SRGAP2B: variants seen among roughly 807,000 people sequenced by gnomAD.
SRGAP2B encodes the protein SLIT-ROBO Rho GTPase activating protein 2B, also known as SLIT-ROBO Rho GTPase-activating protein 2B.
In SRGAP2B, 9 loss-of-function variants were observed where a neutral mutation model predicts 22.2. That is an observed-to-expected ratio of 0.41 (90% CI 0.24 to 0.71). The LOEUF (loss-of-function observed/expected upper bound fraction) is 0.71. Ranked by LOEUF, SRGAP2B falls within the 30% of genes least tolerant of loss-of-function variation. The pLI is 0.35. For synonymous variants in SRGAP2B, 36 were observed against 87.4 expected, an observed-to-expected ratio of 0.41 and a Z score of 3.28; for missense variants, 114 against 235.8, an observed-to-expected ratio of 0.48 and a Z score of 3.38.
intron 4 of SRGAP2B, among the ~76,000 whole-genome samples, chr1:144,926,974 G>T (rs1469957574): frequency 1.3e-5 from 2 of 151,854 alleles, no homozygotes; most frequent in Non-Finnish European, 2.9e-5. Context: ...TTTGGAGACG[G>T]AGTCTCACTC....
At chr1:144,972,334 TC>T (rs1353436076) in intron 3 of SRGAP2B, among the ~76,000 whole-genome samples, 1 of 130,894 alleles carries the variant, frequency 7.6e-6, no homozygotes, top group Non-Finnish European at 1.6e-5. Flanking sequence ...AAGAGGACTA[TC>T]AAGGAATTAT....
At chr1:144,975,205 C>T (rs1380183259) in intron 3 of SRGAP2B, among the ~76,000 whole-genome samples, 1 of 148,790 alleles carries the variant, frequency 6.7e-6, no homozygotes, top group Non-Finnish European at 1.5e-5. Flanking sequence ...TGTCAAGACC[C>T]CATTCCGGAG....
chr1:144,945,560 C>T (rs1666434420), intron 4 of SRGAP2B, among the ~76,000 whole-genome samples: 1 of 151,490 alleles, frequency 6.6e-6, no homozygotes, highest in Non-Finnish European at 1.5e-5. Context: ...AACAGGACTC[C>T]AGCCTGGGGG....
At chr1:145,074,483 CT>C (rs1652392561) in intron 2 of SRGAP2B, among the ~76,000 whole-genome samples, 1 of 94,724 alleles carries the variant, frequency 1.1e-5, no homozygotes, top group African/African-American at 4.9e-5. Context: ...TATAGGTAGG[CT>C]TTTTTTCTCC....
chr1:145,011,540 A>G (rs1417180873), intron 2 of SRGAP2B, among the ~76,000 whole-genome samples: 1 of 150,304 alleles, frequency 6.7e-6, no homozygotes, highest in African/African-American at 2.5e-5. Context: ...CCCCATCCTG[A>G]CCACACCCCA....
At chr1:144,939,466 A>G (rs1361681112) in intron 4 of SRGAP2B, among the ~76,000 whole-genome samples, 9 of 147,314 alleles carry the variant, frequency 6.1e-5, no homozygotes, top group African/African-American at 2.3e-4. Context: ...GACTCATTAC[A>G]TTGCTATCTA....
intron 2 of SRGAP2B, among the ~76,000 whole-genome samples, chr1:145,083,102 C>T (rs9723331): frequency 1.4e-5 from 2 of 144,490 alleles, no homozygotes; most frequent in Admixed American, 1.3e-4. Context: ...ATGCTGAGAG[C>T]GTACTGATGA....
chr1:144,939,466 A>T (rs1361681112), intron 4 of SRGAP2B, among the ~76,000 whole-genome samples: 2 of 147,210 alleles, frequency 1.4e-5, no homozygotes, highest in East Asian at 4.0e-4. Context: ...GACTCATTAC[A>T]TTGCTATCTA....
At chr1:144,891,617 T>C (rs1487204267) in exon 10 of SRGAP2B, 3 of 128,656 alleles carry the variant, frequency 2.3e-5, no homozygotes, top group Non-Finnish European at 4.9e-5. Flanking sequence ...GGTCCAACTG[T>C]CTAAAAGAAG....
intron 7 of SRGAP2B, among the ~76,000 whole-genome samples, chr1:144,904,338 CTTTAG>C (rs1662829530): frequency 9.5e-6 from 1 of 104,930 alleles, no homozygotes; most frequent in Non-Finnish European, 1.9e-5. Context: ...CATTGTAACT[CTTTAG>C]TTAAGTTCTT....
At chr1:144,996,448 T>TATGAGATGTA (rs1670685228) in intron 2 of SRGAP2B, among the ~76,000 whole-genome samples, 1 of 148,378 alleles carries the variant, frequency 6.7e-6, no homozygotes, top group Admixed American at 6.7e-5. Flanking sequence ...GCTTTCTGTC[T>TATGAGATGTA]ATGCTATGTA....
At chr1:144,931,003 TA>T (rs1385451788) in intron 4 of SRGAP2B, among the ~76,000 whole-genome samples, 4 of 145,298 alleles carry the variant, frequency 2.8e-5, no homozygotes, top group Admixed American at 2.7e-4. Context: ...CTCTCCTCAT[TA>T]ACACTCTGAT....
intron 2 of SRGAP2B, among the ~76,000 whole-genome samples, chr1:145,065,214 C>A (rs1429025974): frequency 2.6e-5 from 4 of 152,066 alleles, no homozygotes; most frequent in Non-Finnish European, 5.9e-5. Context: ...TTGGGGTTTG[C>A]TCATTTTTCA....
intron 2 of SRGAP2B, among the ~76,000 whole-genome samples, chr1:145,012,416 C>A (rs1672123911): frequency 6.7e-6 from 1 of 149,222 alleles, no homozygotes. Context: ...AAAAAATAAG[C>A]AAGAGTTATT....
At chr1:145,066,620 C>G (rs1384828781) in intron 2 of SRGAP2B, among the ~76,000 whole-genome samples, 2 of 151,144 alleles carry the variant, frequency 1.3e-5, no homozygotes, top group African/African-American at 4.9e-5. Context: ...GCTTGCTCAC[C>G]TCTCCACTAT....
chr1:144,939,160 T>C (rs1570790983), intron 4 of SRGAP2B, among the ~76,000 whole-genome samples: 1 of 111,516 alleles, frequency 9.0e-6, no homozygotes, highest in Non-Finnish European at 1.8e-5. Flanking sequence ...CTTCAGGCTA[T>C]TTCCACATAT....
At chr1:145,067,398 T>C (rs1651626406) in intron 2 of SRGAP2B, among the ~76,000 whole-genome samples, 2 of 145,556 alleles carry the variant, frequency 1.4e-5, no homozygotes, top group Admixed American at 6.8e-5. Flanking sequence ...CTTTTGATTT[T>C]AGCCCCATAT....
At chr1:145,061,591 T>G (rs879974557) in intron 2 of SRGAP2B, among the ~76,000 whole-genome samples, 1 of 149,888 alleles carries the variant, frequency 6.7e-6, no homozygotes, top group East Asian at 1.9e-4. Context: ...ACATTCACTT[T>G]TTTTTCCCCC....
rs111723780 is a variant in SRGAP2B, at chr1:144,997,204, G to A, written c.68-2004C>T. 1.2e-3 allele frequency among the ~76,000 whole-genome samples: 183 copies of A among 150,564 alleles called. 3 individuals are homozygous for A. The highest frequency in any genetic ancestry group is 4.3e-3 in the African/African-American group (171 of 40,182). On this transcript the variant is annotated intron_variant, in intron 2 of 9. Coordinates refer to ENST00000612199, the Ensembl canonical transcript of SRGAP2B. ...AGCACTTTGGGAGGCCGAGGCGGGCGGATCACAAGGTCAGGAGATCGAGAC... is the reference window on the plus strand; with the variant it reads ...AGCACTTTGGGAGGCCGAGGCGGGCAGATCACAAGGTCAGGAGATCGAGAC...
Sources: gnomAD v4.1 joint callset for allele counts (sites outside exome capture counted in the v4.1 genomes callset) on GRCh38, gnomAD v4.1.1 for gene constraint, MANE v1.5 for transcripts, NCBI Gene and HGNC (gene_info 2026-07-23, HGNC 2026-07-21) for gene names.